PLB1: variants seen among roughly 807,000 people sequenced by gnomAD.
The protein encoded by PLB1 is phospholipase B1, also known as phospholipase B1, membrane-associated.
PLB1 carries 242 observed loss-of-function variants against 227.4 expected under a neutral mutation model. That is an observed-to-expected ratio of 1.06 (90% confidence interval 0.96 to 1.18). The LOEUF is 1.18. Ranked by LOEUF, PLB1 falls within the 50% of genes most tolerant of loss-of-function variation. The pLI, the probability that PLB1 is intolerant of heterozygous loss-of-function variation, is 0.00. For synonymous variants in PLB1, 757 were observed against 682.2 expected, an observed-to-expected ratio of 1.11 and a Z score of -1.71; for missense variants, 1,858 against 1,816.3, an observed-to-expected ratio of 1.02 and a Z score of -0.42.
At chr2:28,618,560 T>C in intron 46 of PLB1, 161 bp downstream of exon 46, 1 of 706,164 alleles carries the variant, frequency 1.4e-6, no homozygotes, top group Non-Finnish European at 2.4e-6. Flanking sequence ...AGATGTAGAA[T>C]GCCCTGTCTC....
At chr2:28,599,590 G>A (rs775361777) in intron 35 of PLB1, among the ~76,000 whole-genome samples, 32 of 152,162 alleles carry the variant, frequency 2.1e-4, no homozygotes, top group Non-Finnish European at 4.3e-4. Context: ...GAGCACAGAC[G>A]CCTGAAATCT....
At position 28,606,503 on chromosome 2, in the gene PLB1, C is replaced by G; in HGVS notation, c.3065C>G (p.Pro1022Arg). Reference protein sequence around the residue: ...ARALWTNMLEPLGSKTETLDL... With the variant: ...ARALWTNMLERLGSKTETLDL... The stretch of plus-strand genomic sequence containing the variant: ...CTTTTCTTCCCTGATCAGCTTGAAC[C>G]ACTTGGAAGCAAAACAGAGACCCTG... The change falls in exon 43 of 58, where the codon CCA becomes CGA. Residue 1022 changes from proline to arginine, a missense_variant. Physicochemically the swap from Pro to Arg is moderately radical, Grantham distance 103. Transcript: ENST00000327757. 6.2e-7 allele frequency: 1 copy of G among 1,614,112 alleles called. No homozygotes were observed. Among genetic ancestry groups the G allele is most frequent in the South Asian group, 1.1e-5 (1 of 91,080 alleles).
intron 45 of PLB1, 57 bp downstream of exon 45, chr2:28,617,844 T>C (rs1686416836): frequency 1.3e-6 from 2 of 1,521,268 alleles, no homozygotes. Context: ...TATCAGGTTG[T>C]GGGGAGACCC....
chr2:28,601,948 A>G lies in PLB1; in HGVS notation c.2657A>G (p.Asp886Gly). The G allele has an allele frequency of 6.2e-7, 1 of 1,611,338 alleles. No individual in the cohort carries two copies. Among genetic ancestry groups the G allele is most frequent in the East Asian group, 2.2e-5 (1 of 44,820 alleles). The part of the protein sequence containing the change: ...NFVHHLRNAL[D>G]VLHREVPRVL... ...GTTCACCATCTCCGCAATGCCTTGG[A>G]CGTCCTGCATAGAGAGGTGGGTGGG... Residue 886 changes from aspartate (D) to glycine (G), a missense_variant, in exon 38 of 58, where the codon GAC becomes GGC. Coordinates refer to ENST00000327757, the MANE Select transcript of PLB1 (RefSeq NM_153021.5).
chr2:28,597,957 A>G (rs1202406921), intron 33 of PLB1, 48 bp from the exon 34 acceptor site: 15 of 1,563,064 alleles, frequency 9.6e-6, no homozygotes, highest in Non-Finnish European at 1.1e-5. Context: ...GATTGATTCA[A>G]CCAATATGTC....
chr2:28,590,507 G>C (rs747567701), intron 29 of PLB1, among the ~76,000 whole-genome samples: 1 of 152,170 alleles, frequency 6.6e-6, no homozygotes, highest in Non-Finnish European at 1.5e-5. Flanking sequence ...CTAGTTGGGT[G>C]GTGGGGAGTA....
intron 48 of PLB1, 45 bp from the exon 49 acceptor site, chr2:28,620,834 G>T: frequency 1.3e-6 from 2 of 1,539,012 alleles, no homozygotes; most frequent in Non-Finnish European, 1.8e-6. Flanking sequence ...TGAGGGTCCT[G>T]CAGGCTCTCA....
At chr2:28,526,714 A>G (rs79869688) in intron 6 of PLB1, among the ~76,000 whole-genome samples, 2,453 of 152,250 alleles carry the variant, frequency 0.016, 64 homozygotes, top group African/African-American at 0.056. Context: ...GTAGATTACA[A>G]TGCAAGTGCT....
In PLB1 at chr2:28,614,217, G is replaced by C; in HGVS notation, c.3195+121G>C. The C allele has an allele frequency of 4.0e-6, 4 of 991,528 alleles. No homozygotes were observed. In the South Asian group the frequency reaches 5.4e-5, roughly 13 times the overall value. The allele number at this position is 991,528 out of a possible 1,614,324, so 61.4% of individuals were successfully genotyped here. A position where few individuals can be genotyped will look rare whatever the true frequency, so the allele number is the denominator to read the frequency against. ...CAGAAATGTACTTCTTACATACTGGGGATTGGAATGTACAGAAAAGGCTCC... is the reference window on the plus strand; with the variant it reads ...CAGAAATGTACTTCTTACATACTGGCGATTGGAATGTACAGAAAAGGCTCC... On this transcript the variant is annotated intron_variant, in intron 44 of 57. Transcript: ENST00000327757.
intron 1 of PLB1, among the ~76,000 whole-genome samples, chr2:28,514,417 T>C (rs1458160909): frequency 1.7e-4 from 26 of 152,256 alleles, no homozygotes; most frequent in Admixed American, 1.6e-3. Context: ...TTGGCTCTTC[T>C]AGGTCGTTTG....
intron 3 of PLB1, among the ~76,000 whole-genome samples, chr2:28,519,197 GATTTCC>G (rs144665677): frequency 0.16 from 23,582 of 152,060 alleles, 2,081 homozygotes; most frequent in East Asian, 0.37. Flanking sequence ...GGGTCCAGGA[GATTTCC>G]ACTTCCTTGT....
At chr2:28,530,475 A>T (rs991277246) in intron 8 of PLB1, among the ~76,000 whole-genome samples, 1 of 152,230 alleles carries the variant, frequency 6.6e-6, no homozygotes, top group Non-Finnish European at 1.5e-5. Context: ...ACAGGCTTTT[A>T]TATTATTGTA....
intron 39 of PLB1, among the ~76,000 whole-genome samples, chr2:28,603,716 A>C (rs762517035): frequency 1.3e-5 from 2 of 152,226 alleles, no homozygotes; most frequent in South Asian, 4.1e-4. Context: ...CCTGCAGTCC[A>C]ACACTTGTGC....
Position 28,630,613 on chromosome 2 carries a change from G to A in PLB1, c.3846G>A (p.Ser1282=), listed in dbSNP as rs373274102. The change falls in exon 54 of 58, where the codon TCG becomes TCA. Residue 1282 remains serine (S), a synonymous_variant. Transcript: ENST00000327757. ...AQNNCTCLRH[S]QSSLEKQELK... Reference sequence around the variant, plus strand: ...ACAACTGCACTTGCCTCAGACACTCGCAAAGCTCCCTGGAGAAGCAAGAAC... The same window carrying A: ...ACAACTGCACTTGCCTCAGACACTCACAAAGCTCCCTGGAGAAGCAAGAAC... 3.2e-5 allele frequency: 51 copies of A among 1,613,402 alleles called. No individual in the cohort carries two copies. The highest frequency in any genetic ancestry group is 4.5e-5 in the East Asian group (2 of 44,882).
intron 25 of PLB1, among the ~76,000 whole-genome samples, chr2:28,584,340 G>T (rs1484848318): frequency 6.6e-6 from 1 of 152,248 alleles, no homozygotes; most frequent in African/African-American, 2.4e-5. Flanking sequence ...GCCTCACGGT[G>T]CTGTGAGCAG....
chr2:28,536,636 A>G (rs1211673006), intron 9 of PLB1, among the ~76,000 whole-genome samples: 2 of 152,212 alleles, frequency 1.3e-5, no homozygotes, highest in African/African-American at 2.4e-5. Context: ...CACGTGTTTG[A>G]TAATAGACAT....
At chr2:28,633,295 C>A in intron 56 of PLB1, 1 of 458,412 alleles carries the variant, frequency 2.2e-6, no homozygotes, top group Non-Finnish European at 3.9e-6. Context: ...CCAGGTACTG[C>A]GAGGGGATCC....
chr2:28,610,723 CT>C (rs1288968386), intron 43 of PLB1, among the ~76,000 whole-genome samples: 1 of 152,190 alleles, frequency 6.6e-6, no homozygotes, highest in African/African-American at 2.4e-5. Flanking sequence ...GGAACTACAC[CT>C]GGTAAAGCAG....
intron 18 of PLB1, among the ~76,000 whole-genome samples, chr2:28,564,867 C>CTG (rs10623227): frequency 0.96 from 146,913 of 152,340 alleles, 70,911 homozygotes; most frequent in East Asian, 0.99. Context: ...ACATTTTAAA[C>CTG]TGCATAGGTG....
Sources: gnomAD v4.1 joint callset for allele counts (sites outside exome capture counted in the v4.1 genomes callset) on GRCh38, gnomAD v4.1.1 for gene constraint, MANE v1.5 for transcripts, NCBI Gene and HGNC (gene_info 2026-07-23, HGNC 2026-07-21) for gene names.